Variants in CYP11B1 observed in about 807,000 individuals in gnomAD.
The protein encoded by CYP11B1 is cytochrome P450 family 11 subfamily B member 1.
Under a neutral mutation model 48.3 loss-of-function variants are expected in CYP11B1, and 34 were observed. The ratio of observed to expected loss-of-function variants is 0.70; its 90% confidence interval spans 0.54 to 0.94. CYP11B1 has a LOEUF of 0.94. Ranked by LOEUF, CYP11B1 falls within the 40% of genes least tolerant of loss-of-function variation. The probability of loss-of-function intolerance (pLI) is 0.00; values close to 1 mark genes in which losing one functional copy is unlikely to be tolerated. For synonymous variants in CYP11B1, 291 were observed against 262.5 expected (o/e 1.11, Z -1.05); for missense variants, 688 against 657.4 (o/e 1.05, Z -0.51).
chr8:142,879,284 C>T (rs989224074), intron 1 of CYP11B1, 97 bp from the exon 2 acceptor site: 11 of 1,608,570 alleles, frequency 6.8e-6, no homozygotes, highest in African/African-American at 5.3e-5. Context: ...CCACCCTCCC[C>T]TCTCCTGGAT....
At chr8:142,878,770 C>T (rs147846470) in intron 2 of CYP11B1, among the ~76,000 whole-genome samples, 3 of 152,314 alleles carry the variant, frequency 2.0e-5, no homozygotes, top group Non-Finnish European at 4.4e-5. Flanking sequence ...TGGTGCAGAG[C>T]GGGTTCTCAC....
At chr8:142,878,944 G>A (rs1817052818) in intron 2 of CYP11B1, 88 bp downstream of exon 2, 2 of 1,556,136 alleles carry the variant, frequency 1.3e-6, no homozygotes, top group African/African-American at 2.7e-5. Context: ...GGGGCCCAGG[G>A]CAGATGTGCT....
rs776766470 is a variant in CYP11B1, at chr8:142,874,397, G to A, written c.1488C>T (p.Leu496=). The A allele has an allele frequency of 1.9e-5, 30 of 1,613,688 alleles. No individual in the cohort carries two copies. Among genetic ancestry groups the A allele is most frequent in the South Asian group, 1.5e-4 (14 of 91,080 alleles). The change falls in exon 9 of 9, where the codon CTC becomes CTT. Residue 496 remains leucine (L), a synonymous_variant. Coordinates refer to ENST00000292427, the MANE Select transcript of CYP11B1 (RefSeq NM_000497.4). ...ATTAGTTGATGGCTCTGAAGGTGAG[G>A]AGGGGGAACATGCTGGGCCTCAATA... is the stretch of plus-strand genomic sequence containing the variant. ...SFILRPSMFP[L]LTFRAIN
intron 2 of CYP11B1, among the ~76,000 whole-genome samples, chr8:142,878,683 A>C (rs189387135): frequency 0.018 from 2,514 of 136,210 alleles, 37 homozygotes; most frequent in Non-Finnish European, 0.027. Flanking sequence ...CAGTGGGAGT[A>C]CCCTTCTCAG....
chr8:142,877,787 A>G (rs1817008228), intron 2 of CYP11B1: 1 of 1,596,838 alleles, frequency 6.3e-7, no homozygotes, highest in East Asian at 2.2e-5. Flanking sequence ...GGCTCCATGG[A>G]TGCCCCCAGG....
intron 1 of CYP11B1, 76 bp from the exon 2 acceptor site, chr8:142,879,263 G>T (rs552729681): frequency 1.1e-5 from 18 of 1,610,636 alleles, no homozygotes; most frequent in Non-Finnish European, 1.4e-5. Flanking sequence ...CCAATCCAAA[G>T]TGTCTCCTGT....
rs369207471 is a variant in CYP11B1, at chr8:142,876,401, C to A, written c.800-6G>T. On this transcript the variant is annotated splice_polypyrimidine_tract_variant and splice_region_variant and intron_variant, in intron 4 of 8. Coordinates refer to ENST00000292427, the MANE Select transcript of CYP11B1 (RefSeq NM_000497.4). Reference sequence around the variant, plus strand: ...TTTCTGGATACAGTTGTCGCCTATCCGGGGAGCGGGAGGCAGCCCTCAGAC... The same window carrying A: ...TTTCTGGATACAGTTGTCGCCTATCAGGGGAGCGGGAGGCAGCCCTCAGAC... The A allele has an allele frequency of 3.1e-6, 5 of 1,612,316 alleles. No individual in the cohort carries two copies. The South Asian group carries it at 4.4e-5, about 14-fold the overall frequency.
chr8:142,879,741 C>T lies in CYP11B1; in HGVS notation c.73G>A (p.Gly25Ser), dbSNP rs771206231. ...WLSLQRAQAL[G>S]TRAARVPRTV... is the part of the protein sequence containing the mutation. ...CTGGGGACCCGGGCGGCTCTCGTGC[C>T]CAGTGCCTGTGCCCTTTGCAGGGAC... Residue 25 changes from glycine (G) to serine (S), a missense_variant, in exon 1 of 9, where the codon GGC (glycine) becomes AGC (serine). By Grantham distance (56) the Gly-to-Ser change is moderately conservative. Coordinates refer to ENST00000292427, the MANE Select transcript of CYP11B1 (RefSeq NM_000497.4). 63 of 1,614,106 alleles carry T rather than the reference C, an allele frequency of 3.9e-5. No individual in the cohort carries two copies. In the Admixed American group the frequency reaches 1.0e-3, roughly 26 times the overall value.
In CYP11B1 at chr8:142,875,920, G is replaced by A. The variant is rs1262173291; in HGVS notation, c.955-42C>T. 1.1e-5 allele frequency: 18 copies of A among 1,612,736 alleles called. 1 individual carries two copies. The South Asian group carries it at 1.9e-4, about 17-fold the overall frequency. ...TGCAGGGTCAGACCTTGCACAGGAG[G>A]ACTCAGCCCCCGGGACACCCCTCCC... On this transcript the variant is annotated intron_variant, in intron 5 of 8. Transcript: ENST00000292427.
chr8:142,876,874 C>T lies in CYP11B1; in HGVS notation c.607G>A (p.Ala203Thr). The T allele has an allele frequency of 1.9e-6, 3 of 1,614,168 alleles. No individual in the cohort carries two copies. Among genetic ancestry groups the T allele is most frequent in the Middle Eastern group, 1.6e-4 (1 of 6,062 alleles). The change falls in exon 4 of 9, where the codon GCT (alanine) becomes ACT (threonine). Residue 203 changes from alanine (A) to threonine (T), a missense_variant. Coordinates refer to ENST00000292427, the MANE Select transcript of CYP11B1 (RefSeq NM_000497.4). ...AGGCCCAGCCGCTCTCCAAAAAGAG[C>T]CAAGTTGCTGGCTGCGGGGAGGATG... Reference protein sequence around the residue: ...FHYTIEASNLALFGERLGLVG... With the variant: ...FHYTIEASNLTLFGERLGLVG...
At chr8:142,877,299 C>A in intron 2 of CYP11B1, 77 bp from the exon 3 acceptor site, 1 of 1,371,454 alleles carries the variant, frequency 7.3e-7, no homozygotes, top group Non-Finnish European at 1.0e-6. Flanking sequence ...TCCTCCTTGT[C>A]CCCAAGGGGA....
At chr8:142,877,682 G>T (rs1817005081) in intron 2 of CYP11B1, 1 of 1,499,524 alleles carries the variant, frequency 6.7e-7, no homozygotes, top group African/African-American at 1.4e-5. Context: ...AGTGCCTCTG[G>T]GGCAGCAGCC....
chr8:142,876,276 T>A lies in CYP11B1; in HGVS notation c.919A>T (p.Asn307Tyr). The change falls in exon 5 of 9, where the codon AAC becomes TAC. Residue 307 changes from asparagine to tyrosine, a missense_variant. By Grantham distance (143) the Asn-to-Tyr change is moderately radical. Transcript: ENST00000292427. Reference sequence around the variant, plus strand: ...CTCCCTGCAGTGAGTTCCATAGAGTTGGCCTTGATGGCATCTGGCGACAGT... The same window carrying A: ...CTCCCTGCAGTGAGTTCCATAGAGTAGGCCTTGATGGCATCTGGCGACAGT... The part of the protein sequence containing the change: ...AELSPDAIKA[N>Y]SMELTAGSVD... 1.2e-6 allele frequency: 2 copies of A among 1,614,220 alleles called. No individual in the cohort carries two copies. The highest frequency in any genetic ancestry group is 1.7e-6 in the Non-Finnish European group (2 of 1,180,034).
Position 142,872,974 on chromosome 8 carries a change from C to T in CYP11B1, c.*1399G>A, listed in dbSNP as rs1220451700. ...GGTGGGTCCTCACCAGACACAGAACCTGCTGACACCTTGATCTTAGCCTTC... is the reference window on the plus strand; with the variant it reads ...GGTGGGTCCTCACCAGACACAGAACTTGCTGACACCTTGATCTTAGCCTTC... On this transcript the variant is annotated 3_prime_UTR_variant, in exon 9 of 9. Transcript: ENST00000292427. 1.3e-5 allele frequency: 2 copies of T among 152,256 alleles called. No homozygotes were observed. The highest frequency in any genetic ancestry group is 2.9e-5 in the Non-Finnish European group (2 of 68,058). 9.4% of individuals were successfully genotyped at this position (152,256 alleles called of 1,614,324 possible).
chr8:142,877,339 C>G, intron 2 of CYP11B1, 117 bp from the exon 3 acceptor site: 1 of 993,638 alleles, frequency 1.0e-6, no homozygotes, highest in Admixed American at 2.0e-5. Context: ...ACTGGGGGCC[C>G]TGGTAGAAGC....
chr8:142,879,635 C>A lies in CYP11B1; in HGVS notation c.179G>T (p.Gly60Val). 1 of 1,614,224 alleles carries A rather than the reference C, an allele frequency of 6.2e-7. No homozygotes were observed. Among genetic ancestry groups the A allele is most frequent in the Non-Finnish European group, 8.5e-7 (1 of 1,180,036 alleles). ...TACTTCCAGGTGCAGGTCCTCATAA[C>A]CCTGCTCCCTCCAGATCTGCAGCAG... ...LRLLQIWREQ[G>V]YEDLHLEVHQ... Residue 60 changes from glycine (G) to valine (V), a missense_variant, in exon 1 of 9, where the codon GGT becomes GTT. Physicochemically the swap from Gly to Val is moderately radical, Grantham distance 109. Coordinates refer to ENST00000292427, the MANE Select transcript of CYP11B1 (RefSeq NM_000497.4).
rs1459927803 is a variant in CYP11B1 at position 142,875,891 on chromosome 8, C to A, written c.955-13G>T. ...AGGGAAACACCGTCTGCAGGAGACA[C>A]AGCTGCAGGGTCAGACCTTGCACAG... On this transcript the variant is annotated splice_polypyrimidine_tract_variant and intron_variant, in intron 5 of 8. Transcript: ENST00000292427. 5.6e-6 allele frequency: 9 copies of A among 1,613,920 alleles called. No individual in the cohort carries two copies. Among genetic ancestry groups the A allele is most frequent in the African/African-American group, 1.3e-5 (1 of 74,922 alleles).
In CYP11B1 at chr8:142,875,816, G is replaced by C. The variant is rs966064525; in HGVS notation, c.1017C>G (p.Ala339=). Residue 339 remains alanine, a synonymous_variant, in exon 6 of 9, where the codon GCC becomes GCG. Transcript: ENST00000292427. Reference sequence around the variant, plus strand: ...CGGCGGCCAGGCTCTCCTGGCGCAGGGCCTGCTGCACGTTGGGGTTCCGAG... The same window carrying C: ...CGGCGGCCAGGCTCTCCTGGCGCAGCGCCTGCTGCACGTTGGGGTTCCGAG... ...ELARNPNVQQ[A]LRQESLAAAA... 2 of 1,614,068 alleles carry C rather than the reference G, an allele frequency of 1.2e-6. No individual in the cohort carries two copies. The highest frequency in any genetic ancestry group is 2.2e-5 in the South Asian group (2 of 91,082).
chr8:142,878,992 G>T (rs61751141), intron 2 of CYP11B1, 40 bp downstream of exon 2: 3 of 1,611,596 alleles, frequency 1.9e-6, no homozygotes, highest in South Asian at 2.2e-5. Flanking sequence ...CCTACACCCA[G>T]GCTGCCCACC....
Sources: allele counts gnomAD v4.1 joint callset (sites outside exome capture counted in the v4.1 genomes callset), GRCh38; gene constraint gnomAD v4.1.1; transcripts MANE v1.5; gene names NCBI Gene and HGNC (gene_info 2026-07-23, HGNC 2026-07-21).